The following TOM1L2 variants were observed in gnomAD, a reference collection of about 807,000 sequenced individuals.
TOM1L2 encodes the protein TOM1-like protein 2.
In TOM1L2, 31 loss-of-function variants were observed where a neutral mutation model predicts 67.9. That is an observed-to-expected ratio of 0.46 (90% CI 0.34 to 0.62). TOM1L2 has a LOEUF of 0.62. TOM1L2 is among the 20% of genes least tolerant of loss of function. TOM1L2 has a pLI of 0.01. For missense variants in TOM1L2, 606 were observed against 663.5 expected (o/e 0.91, Z 0.95); for synonymous variants, 256 against 254.0 (o/e 1.01, Z -0.07).
intron 1 of TOM1L2, among the ~76,000 whole-genome samples, chr17:17,908,492 C>T (rs997316776): frequency 6.6e-6 from 1 of 152,120 alleles, no homozygotes; most frequent in African/African-American, 2.4e-5. Flanking sequence ...AAGGACACAA[C>T]ACAGTGAACC....
At chr17:17,932,331 C>T (rs1568313609) in intron 1 of TOM1L2, among the ~76,000 whole-genome samples, 1 of 152,146 alleles carries the variant, frequency 6.6e-6, no homozygotes, top group Non-Finnish European at 1.5e-5. Flanking sequence ...AGTCTTGGTA[C>T]TTTGCCCAGG....
intron 1 of TOM1L2, among the ~76,000 whole-genome samples, chr17:17,913,352 T>G (rs1262339182): frequency 2.0e-5 from 3 of 150,918 alleles, no homozygotes; most frequent in African/African-American, 7.3e-5. Flanking sequence ...TGGGGCAGAC[T>G]GGAGTTGCCA....
chr17:17,858,084 G>C (rs555109350), intron 12 of TOM1L2: 2 of 408,942 alleles, frequency 4.9e-6, no homozygotes, highest in Non-Finnish European at 8.9e-6. Flanking sequence ...AACTACTCCC[G>C]TGCCCTTGGA....
rs4925127 is a variant in TOM1L2, at chr17:17,903,141, C to G, written c.137+4306G>C. ...GGCTGACCACTGCCACTGCACTAGT[C>G]TCCGTAGCTATATATAGCTTCTCTC... is the stretch of plus-strand genomic sequence containing the variant. On this transcript the variant is annotated intron_variant, in intron 2 of 14. Transcript: ENST00000379504. 7.4e-3 allele frequency among the ~76,000 whole-genome samples: 1,133 copies of G among 152,310 alleles called. 13 individuals carry two copies. The highest frequency in any genetic ancestry group is 0.026 in the African/African-American group (1,088 of 41,558).
intron 12 of TOM1L2, 112 bp downstream of exon 12, chr17:17,861,364 T>A (rs1349055674): frequency 4.0e-6 from 4 of 1,010,574 alleles, no homozygotes; most frequent in Non-Finnish European, 6.0e-6. Context: ...CCCCAGGGTG[T>A]CCCTGCCCCC....
chr17:17,872,681 C>T (rs2037212318), intron 7 of TOM1L2, among the ~76,000 whole-genome samples: 1 of 152,256 alleles, frequency 6.6e-6, no homozygotes, highest in South Asian at 2.1e-4. Context: ...CCGAGCCAGG[C>T]ACTGCTGAGC....
chr17:17,923,024 C>G (rs2039941505), intron 1 of TOM1L2, among the ~76,000 whole-genome samples: 1 of 152,152 alleles, frequency 6.6e-6, no homozygotes, highest in African/African-American at 2.4e-5. Flanking sequence ...AAAAAGGCCT[C>G]AAAGAGTGAT....
chr17:17,862,519 G>A (rs1251295615), intron 11 of TOM1L2: 3 of 560,716 alleles, frequency 5.4e-6, no homozygotes, highest in Admixed American at 5.5e-5. Context: ...AAGGGCAGGA[G>A]AGTGTGTGTG....
chr17:17,959,932 T>TC (rs1263416759), intron 1 of TOM1L2, among the ~76,000 whole-genome samples: 1 of 152,248 alleles, frequency 6.6e-6, no homozygotes, highest in African/African-American at 2.4e-5. Context: ...TTCCGTCTTT[T>TC]CCTCCATCCA....
At chr17:17,908,983 C>A (rs1409192808) in intron 1 of TOM1L2, among the ~76,000 whole-genome samples, 3 of 152,114 alleles carry the variant, frequency 2.0e-5, no homozygotes, top group Non-Finnish European at 4.4e-5. Flanking sequence ...GAGATCGAGA[C>A]CATCTGGCTA....
intron 12 of TOM1L2, among the ~76,000 whole-genome samples, chr17:17,856,097 A>G (rs1598184732): frequency 6.6e-6 from 1 of 152,344 alleles, no homozygotes; most frequent in Admixed American, 6.5e-5. Context: ...GTGGGCAGAG[A>G]CAGGCACCAC....
At chr17:17,918,660 C>T (rs1386604085) in intron 1 of TOM1L2, among the ~76,000 whole-genome samples, 2 of 152,254 alleles carry the variant, frequency 1.3e-5, no homozygotes, top group African/African-American at 4.8e-5. Context: ...TCCCATCCAA[C>T]GTCCTCTCCA....
chr17:17,893,744 T>C lies in TOM1L2; in HGVS notation c.283A>G (p.Ile95Val), dbSNP rs768263789. ...FHILVANRDF[I>V]DSVLVKIISP... ...ATAATTTTGACCAGAACACTGTCGATGAAATCTCGGTTGGCCACAAGGATG... is the reference window on the plus strand; with the variant it reads ...ATAATTTTGACCAGAACACTGTCGACGAAATCTCGGTTGGCCACAAGGATG... The change falls in exon 4 of 15, where the codon ATC becomes GTC. Residue 95 changes from isoleucine to valine, a missense_variant. This residue lies in a region of TOM1L2 where 543 missense variants were observed against 554.0 expected (regional missense o/e 0.98). Coordinates refer to ENST00000379504, the MANE Select transcript of TOM1L2 (RefSeq NM_001082968.2). The C allele has an allele frequency of 1.2e-6, 2 of 1,614,156 alleles. No individual in the cohort carries two copies. Among genetic ancestry groups the C allele is most frequent in the Admixed American group, 1.7e-5 (1 of 60,020 alleles).
intron 1 of TOM1L2, among the ~76,000 whole-genome samples, chr17:17,916,500 T>A (rs1429870059): frequency 6.6e-6 from 1 of 152,192 alleles, no homozygotes; most frequent in Non-Finnish European, 1.5e-5. Context: ...ATATTCAGTT[T>A]TCCCAGCACC....
chr17:17,848,815 G>C lies in TOM1L2; in HGVS notation c.1375+8C>G. ...AAGGGGGCTGTAAGGCCACTGGCCA[G>C]GCCATACCTTCACTTGTGACACCCT... On this transcript the variant is annotated splice_region_variant and intron_variant, in intron 14 of 14. Transcript: ENST00000379504. 6.2e-7 allele frequency: 1 copy of C among 1,614,098 alleles called. No homozygotes were observed. Among genetic ancestry groups the C allele is most frequent in the Non-Finnish European group, 8.5e-7 (1 of 1,180,012 alleles).
intron 1 of TOM1L2, among the ~76,000 whole-genome samples, chr17:17,909,591 G>A (rs1411189618): frequency 1.3e-5 from 2 of 151,742 alleles, no homozygotes; most frequent in East Asian, 1.9e-4. Context: ...AGGCTGCTGG[G>A]GGGTGTGGGG....
chr17:17,857,384 G>A (rs2036305055), intron 12 of TOM1L2, among the ~76,000 whole-genome samples: 1 of 152,176 alleles, frequency 6.6e-6, no homozygotes, highest in Non-Finnish European at 1.5e-5. Flanking sequence ...TCCCTGACTG[G>A]TCAGATGCTT....
chr17:17,865,546 T>G lies in TOM1L2; in HGVS notation c.1084+750A>C, dbSNP rs545793282. Among the ~76,000 whole-genome samples, 14 of 151,354 alleles carry G rather than the reference T, an allele frequency of 9.2e-5. 1 individual carries two copies. In the South Asian group the frequency reaches 2.9e-3, roughly 32 times the overall value. The stretch of plus-strand genomic sequence containing the variant: ...TGCCCGCCACCAAGTCTGGCTAATT[T>G]TTTTGTATTTTTAGTACAGACGGGG... On this transcript the variant is annotated intron_variant, in intron 10 of 14. Transcript: ENST00000379504.
At chr17:17,901,126 G>C (rs1472017600) in intron 2 of TOM1L2, among the ~76,000 whole-genome samples, 4 of 152,198 alleles carry the variant, frequency 2.6e-5, no homozygotes, top group African/African-American at 7.2e-5. Context: ...TAGGCTCTGG[G>C]AAGTACTGGC....
Sources: gnomAD v4.1 joint callset for allele counts (sites outside exome capture counted in the v4.1 genomes callset) on GRCh38, gnomAD v4.1.1 for gene constraint, gnomAD v4.1.1 regional missense constraint, MANE v1.5 for transcripts, NCBI Gene and HGNC (gene_info 2026-07-23, HGNC 2026-07-21) for gene names.